AAGAB: variants seen among roughly 807,000 people sequenced by gnomAD.
AAGAB encodes the protein alpha and gamma adaptin binding protein.
AAGAB carries 38 observed loss-of-function variants against 44.1 expected under a neutral mutation model. The observed-to-expected ratio is 0.86, with a 90% CI of 0.67 to 1.13. The LOEUF is 1.13. AAGAB is among the 50% of genes most tolerant of loss of function. The probability of loss-of-function intolerance (pLI) is 0.00; values close to 1 mark genes in which losing one functional copy is unlikely to be tolerated. For missense variants in AAGAB, 450 were observed against 373.8 expected, an observed-to-expected ratio of 1.20 and a Z score of -1.68; for synonymous variants, 131 against 131.8, an observed-to-expected ratio of 0.99 and a Z score of 0.04.
intron 1 of AAGAB, among the ~76,000 whole-genome samples, chr15:67,247,367 G>A (rs1964751838): frequency 6.6e-6 from 1 of 152,160 alleles, no homozygotes; most frequent in East Asian, 1.9e-4. Context: ...AATTACTGGG[G>A]CATATTCCTA....
At position 67,249,815 on chromosome 15, in the gene AAGAB, G is replaced by A. The variant is rs186694486; in HGVS notation, c.73+4744C>T. ...CTCCAGCACCTGGGCAAGTCATTTA[G>A]TATTTCCAAAGCACAGTTTCTTCAT... On this transcript the variant is annotated intron_variant, in intron 1 of 9. Coordinates refer to ENST00000261880, the MANE Select transcript of AAGAB (RefSeq NM_024666.5). Among the ~76,000 whole-genome samples, 64 of 152,318 alleles carry A rather than the reference G, an allele frequency of 4.2e-4. 1 individual carries two copies. The highest frequency in any genetic ancestry group is 3.4e-3 in the Admixed American group (52 of 15,294).
intron 5 of AAGAB, among the ~76,000 whole-genome samples, chr15:67,223,048 C>A (rs950535567): frequency 6.6e-6 from 1 of 152,154 alleles, no homozygotes; most frequent in African/African-American, 2.4e-5. Flanking sequence ...TTTTGCTTCC[C>A]GAATAAGACT....
At chr15:67,213,604 C>T (rs1292374576) in intron 5 of AAGAB, among the ~76,000 whole-genome samples, 2 of 151,930 alleles carry the variant, frequency 1.3e-5, no homozygotes, top group Non-Finnish European at 2.9e-5. Flanking sequence ...CATTATTTAC[C>T]AGGCAATATG....
In AAGAB at chr15:67,201,466, G is replaced by C. The variant is rs1226496969; in HGVS notation, c.*1355C>G. On this transcript the variant is annotated 3_prime_UTR_variant, in exon 10 of 10. Coordinates refer to ENST00000261880, the MANE Select transcript of AAGAB (RefSeq NM_024666.5). ...CAGGTTCTGCAGTGCTTATAAGGTA[G>C]TGTCTGGAGGGGTGTGAGCCTTATT... 1 of 152,354 alleles carries C rather than the reference G, an allele frequency of 6.6e-6. No homozygotes were observed. Among genetic ancestry groups the C allele is most frequent in the Non-Finnish European group, 1.5e-5 (1 of 68,110 alleles). The allele number at this position is 152,354 out of a possible 1,614,324, so 9.4% of individuals were successfully genotyped here.
At chr15:67,208,388 ATTC>A (rs1963732758) in intron 7 of AAGAB, among the ~76,000 whole-genome samples, 171 bp downstream of exon 7, 1 of 152,176 alleles carries the variant, frequency 6.6e-6, no homozygotes, top group South Asian at 2.1e-4. Context: ...TTATATATTT[ATTC>A]TTCTTCCTTT....
chr15:67,239,314 G>A (rs1366889587), intron 1 of AAGAB, among the ~76,000 whole-genome samples: 3 of 152,148 alleles, frequency 2.0e-5, no homozygotes, highest in African/African-American at 7.2e-5. Flanking sequence ...ATTAATGATG[G>A]CTAATTTTAT....
intron 1 of AAGAB, 133 bp downstream of exon 1, chr15:67,254,426 G>A: frequency 6.9e-7 from 1 of 1,442,882 alleles, no homozygotes; most frequent in Non-Finnish European, 9.1e-7. Flanking sequence ...GGGGAGACTG[G>A]GCGCCTCCAC....
chr15:67,231,410 T>C (rs1964331975), intron 5 of AAGAB, among the ~76,000 whole-genome samples: 1 of 152,246 alleles, frequency 6.6e-6, no homozygotes, highest in South Asian at 2.1e-4. Flanking sequence ...ACAGCCATGT[T>C]TCTGATTTTA....
At chr15:67,245,610 A>G (rs1034289486) in intron 1 of AAGAB, among the ~76,000 whole-genome samples, 1 of 152,244 alleles carries the variant, frequency 6.6e-6, no homozygotes, top group African/African-American at 2.4e-5. Flanking sequence ...GGCAGATTGT[A>G]TACTACTTAT....
At chr15:67,219,181 CT>C (rs891567052) in intron 5 of AAGAB, among the ~76,000 whole-genome samples, 10 of 152,208 alleles carry the variant, frequency 6.6e-5, no homozygotes, top group Admixed American at 5.2e-4. Context: ...CACCAGGAAC[CT>C]TTTAAGACAT....
intron 5 of AAGAB, chr15:67,220,360 G>A (rs1023850684): frequency 3.9e-5 from 6 of 152,252 alleles, no homozygotes; most frequent in Admixed American, 2.6e-4. Context: ...TGCAACTTAG[G>A]TAAATTAACA....
intron 5 of AAGAB, among the ~76,000 whole-genome samples, chr15:67,225,340 T>C (rs1361620815): frequency 6.6e-6 from 1 of 152,234 alleles, no homozygotes. Flanking sequence ...CACCACCACC[T>C]TTTCTACTAT....
chr15:67,213,780 T>C (rs1045270644), intron 5 of AAGAB, among the ~76,000 whole-genome samples: 6 of 152,242 alleles, frequency 3.9e-5, no homozygotes, highest in Admixed American at 2.6e-4. Context: ...TAGTAATAGA[T>C]AACATTTACT....
intron 4 of AAGAB, among the ~76,000 whole-genome samples, chr15:67,234,144 T>C (rs957516793): frequency 1.3e-5 from 2 of 151,156 alleles, no homozygotes; most frequent in Admixed American, 6.6e-5. Flanking sequence ...TCCCAGCTAC[T>C]TGGGAGGCTG....
intron 7 of AAGAB, among the ~76,000 whole-genome samples, chr15:67,206,209 T>C (rs1963681382): frequency 2.6e-5 from 4 of 152,260 alleles, no homozygotes. Flanking sequence ...GTTTGTCAGA[T>C]TGTTTTCTTA....
intron 7 of AAGAB, among the ~76,000 whole-genome samples, chr15:67,205,646 G>T (rs1198587970): frequency 6.6e-6 from 1 of 152,210 alleles, no homozygotes; most frequent in Non-Finnish European, 1.5e-5. Context: ...ACTGAATGCT[G>T]CCACGAGGTC....
chr15:67,233,459 T>C (rs1418969094), intron 4 of AAGAB, among the ~76,000 whole-genome samples: 2 of 152,212 alleles, frequency 1.3e-5, no homozygotes, highest in African/African-American at 4.8e-5. Context: ...TGTTGAGGAT[T>C]GTAAGGCTGC....
At chr15:67,243,559 C>A (rs771036055) in intron 1 of AAGAB, among the ~76,000 whole-genome samples, 2 of 152,102 alleles carry the variant, frequency 1.3e-5, no homozygotes, top group Non-Finnish European at 2.9e-5. Flanking sequence ...GAGTAGAGGT[C>A]AAAAATACTG....
At chr15:67,203,688 C>A in intron 8 of AAGAB, 91 bp from the exon 9 acceptor site, 1 of 1,143,404 alleles carries the variant, frequency 8.7e-7, no homozygotes. Context: ...AGACGGGTTT[C>A]AAAGACATGT....
Sources: allele counts gnomAD v4.1 joint callset (sites outside exome capture counted in the v4.1 genomes callset), GRCh38; gene constraint gnomAD v4.1.1; transcripts MANE v1.5; gene names NCBI Gene and HGNC (gene_info 2026-07-23, HGNC 2026-07-21).